Variants in AKR1C8 observed in about 807,000 individuals in gnomAD.
The protein encoded by AKR1C8 is aldo-keto reductase family 1 member C-like protein 1.
the AKR1C8 span, among the ~76,000 whole-genome samples, chr10:5,171,112 T>C: frequency 2.6e-5 from 4 of 152,122 alleles, no homozygotes; most frequent in African/African-American, 9.7e-5. Context: ...TTAATTAACA[T>C]TTTAGCTCTT....
At chr10:5,166,266 T>A in the AKR1C8 span, among the ~76,000 whole-genome samples, 1 of 151,972 alleles carries the variant, frequency 6.6e-6, no homozygotes, top group South Asian at 2.1e-4. Flanking sequence ...ATGACTTTCT[T>A]CACAGAATTG....
the AKR1C8 span, among the ~76,000 whole-genome samples, chr10:5,144,040 T>C: frequency 1.3e-5 from 2 of 152,066 alleles, no homozygotes; most frequent in South Asian, 2.1e-4. Context: ...ACTCTATATA[T>C]GATACTTTTG....
the AKR1C8 span, chr10:5,155,743 C>T: frequency 2.1e-6 from 1 of 475,606 alleles, no homozygotes; most frequent in Non-Finnish European, 4.4e-6. Flanking sequence ...CTGGAGTCAA[C>T]TCAAAGTCAA....
the AKR1C8 span, among the ~76,000 whole-genome samples, chr10:5,163,682 C>A: frequency 1.3e-5 from 2 of 152,088 alleles, no homozygotes; most frequent in Non-Finnish European, 2.9e-5. Context: ...GAGAAATGGC[C>A]TGAAAAATCA....
chr10:5,164,810 A>G, the AKR1C8 span, among the ~76,000 whole-genome samples: 1 of 152,178 alleles, frequency 6.6e-6, no homozygotes, highest in African/African-American at 2.4e-5. Flanking sequence ...TCTCAGTGTT[A>G]TCTGAAGGCT....
chr10:5,132,435 ACAT>A, the AKR1C8 span, among the ~76,000 whole-genome samples: 1 of 152,218 alleles, frequency 6.6e-6, no homozygotes. Flanking sequence ...GATGAGAAAG[ACAT>A]CATCATTTGC....
At chr10:5,129,242 G>A in the AKR1C8 span, among the ~76,000 whole-genome samples, 3 of 151,896 alleles carry the variant, frequency 2.0e-5, no homozygotes, top group African/African-American at 7.2e-5. Context: ...TTATAATAGT[G>A]ACACAATGAA....
At chr10:5,118,060 G>T in the AKR1C8 span, among the ~76,000 whole-genome samples, 4 of 152,178 alleles carry the variant, frequency 2.6e-5, no homozygotes, top group Admixed American at 6.5e-5. Flanking sequence ...GTTGTGACTT[G>T]GTCTAGCACC....
chr10:5,166,953 C>A, the AKR1C8 span, among the ~76,000 whole-genome samples: 8,567 of 139,782 alleles, frequency 0.061, 288 homozygotes, highest in African/African-American at 0.074. Flanking sequence ...AAAAAAAAAA[C>A]CCATCAAAAA....
At chr10:5,161,739 A>C in the AKR1C8 span, 1 of 534,690 alleles carries the variant, frequency 1.9e-6, no homozygotes, top group Non-Finnish European at 3.8e-6. Flanking sequence ...TATGCACCTC[A>C]CTCAAATCTG....
At chr10:5,151,371 C>T in the AKR1C8 span, among the ~76,000 whole-genome samples, 2 of 152,168 alleles carry the variant, frequency 1.3e-5, no homozygotes, top group African/African-American at 4.8e-5. Context: ...TGGGAAAGGG[C>T]TGTTATCATC....
the AKR1C8 span, among the ~76,000 whole-genome samples, chr10:5,129,601 T>A: frequency 2.0e-5 from 3 of 151,958 alleles, no homozygotes; most frequent in East Asian, 5.8e-4. Flanking sequence ...ACAAATGATA[T>A]CACAGAAATA....
chr10:5,155,428 T>G, the AKR1C8 span: 4 of 226,886 alleles, frequency 1.8e-5, no homozygotes, highest in Non-Finnish European at 2.7e-5. Flanking sequence ...CAGGCACAGA[T>G]AGTAAGGGCC....
chr10:5,141,089 T>C, the AKR1C8 span, among the ~76,000 whole-genome samples: 1 of 152,178 alleles, frequency 6.6e-6, no homozygotes, highest in African/African-American at 2.4e-5. Flanking sequence ...CACTGCTTTA[T>C]CAACTATCTT....
the AKR1C8 span, among the ~76,000 whole-genome samples, chr10:5,136,293 A>T: frequency 6.6e-6 from 1 of 152,186 alleles, no homozygotes; most frequent in Non-Finnish European, 1.5e-5. Flanking sequence ...CACACCCGTA[A>T]TCCCAGCACT....
At chr10:5,155,744 T>C in the AKR1C8 span, 1 of 475,380 alleles carries the variant, frequency 2.1e-6, no homozygotes, top group South Asian at 1.6e-5. Flanking sequence ...TGGAGTCAAC[T>C]CAAAGTCAAA....
At chr10:5,161,943 C>G in the AKR1C8 span, 2 of 534,348 alleles carry the variant, frequency 3.7e-6, no homozygotes, top group South Asian at 2.8e-5. Context: ...CCGGGTGAAC[C>G]AATTCTGCCC....
At chr10:5,137,171 C>G in the AKR1C8 span, among the ~76,000 whole-genome samples, 1 of 152,114 alleles carries the variant, frequency 6.6e-6, no homozygotes, top group African/African-American at 2.4e-5. Context: ...AAACTATTCC[C>G]TCACTGGGAG....
chr10:5,167,303 T>G, the AKR1C8 span, among the ~76,000 whole-genome samples: 1 of 152,216 alleles, frequency 6.6e-6, no homozygotes, highest in Non-Finnish European at 1.5e-5. Context: ...CAAAGGATTA[T>G]AAATCATGCT....
Sources: gnomAD v4.1 joint callset for allele counts (sites outside exome capture counted in the v4.1 genomes callset) on GRCh38, gnomAD v4.1.1 for gene constraint, MANE v1.5 for transcripts, NCBI Gene and HGNC (gene_info 2026-07-23, HGNC 2026-07-21) for gene names.